The following LMX1A variants were observed in gnomAD, a reference collection of about 807,000 sequenced individuals.
LMX1A encodes the protein LIM homeobox transcription factor 1 alpha.
Under a neutral mutation model 49.1 loss-of-function variants are expected in LMX1A, and 15 were observed. The ratio of observed to expected loss-of-function variants is 0.31; its 90% CI spans 0.20 to 0.47. The LOEUF (loss-of-function observed/expected upper bound fraction) is 0.47. LMX1A is among the 20% of genes least tolerant of loss of function. LMX1A has a pLI of 1.00. For synonymous variants in LMX1A, 167 were observed against 185.7 expected (o/e 0.90, Z 0.82); for missense variants, 372 against 475.8 (o/e 0.78, Z 2.03).
At chr1:165,242,938 A>AC (rs1419426706) in intron 4 of LMX1A, among the ~76,000 whole-genome samples, 1 of 150,968 alleles carries the variant, frequency 6.6e-6, no homozygotes, top group African/African-American at 2.4e-5. Flanking sequence ...TCAAAAAAAA[A>AC]AAAAAAAAAC....
At chr1:165,354,758 T>C (rs903366484) in intron 2 of LMX1A, among the ~76,000 whole-genome samples, 15 of 152,206 alleles carry the variant, frequency 9.9e-5, no homozygotes, top group African/African-American at 3.1e-4. Context: ...TAAAATAAAA[T>C]ACGGGCTTCC....
rs2102638008 is a variant in LMX1A at position 165,249,640 on chromosome 1, C to A, written c.264G>T (p.Lys88Asn). 6.2e-7 allele frequency: 1 copy of A among 1,612,760 alleles called. No individual in the cohort carries two copies. Among genetic ancestry groups the A allele is most frequent in the Non-Finnish European group, 8.5e-7 (1 of 1,179,262 alleles). ...AGCCCCCACATTTAACAGCAAACAGCCTGGCAGCAGGGAGAAAGGAAGTAC... is the reference window on the plus strand; with the variant it reads ...AGCCCCCACATTTAACAGCAAACAGACTGGCAGCAGGGAGAAAGGAAGTAC... ...KKLYCKYDYEKLFAVKCGGCF... is the reference protein window; with the variant it reads ...KKLYCKYDYENLFAVKCGGCF... Residue 88 changes from lysine (K) to asparagine (N), a missense_variant and splice_region_variant, in exon 4 of 9, where the codon AAG (lysine) becomes AAT (asparagine). By Grantham distance (94) the Lys-to-Asn change is moderately conservative (BLOSUM62 0). Around this residue, in one of 3 missense-constraint regions of LMX1A, gnomAD observed 199 missense variants for 244.0 expected, o/e 0.82. Transcript: ENST00000342310.
intron 3 of LMX1A, among the ~76,000 whole-genome samples, chr1:165,289,021 C>T (rs1420829701): frequency 1.3e-5 from 2 of 152,228 alleles, no homozygotes; most frequent in African/African-American, 4.8e-5. Context: ...AGCAAACAGA[C>T]TTCTGGCCCC....
intron 3 of LMX1A, among the ~76,000 whole-genome samples, chr1:165,279,712 T>A (rs1049804678): frequency 2.6e-5 from 4 of 152,220 alleles, no homozygotes; most frequent in African/African-American, 9.6e-5. Flanking sequence ...TCGATAATAA[T>A]AAAAATAATT....
intron 4 of LMX1A, among the ~76,000 whole-genome samples, chr1:165,241,272 G>C (rs1247116151): frequency 2.0e-5 from 3 of 152,182 alleles, no homozygotes; most frequent in Non-Finnish European, 4.4e-5. Flanking sequence ...AAAGAGCAAA[G>C]ACAGAAGAGG....
chr1:165,205,830 A>G, intron 8 of LMX1A, 34 bp downstream of exon 8: 1 of 1,605,326 alleles, frequency 6.2e-7, no homozygotes, highest in East Asian at 2.2e-5. Flanking sequence ...CACACAAGTT[A>G]TGAGAGGGCC....
chr1:165,212,576 C>T (rs993397569), intron 5 of LMX1A, among the ~76,000 whole-genome samples: 4 of 151,890 alleles, frequency 2.6e-5, no homozygotes, highest in Non-Finnish European at 5.9e-5. Context: ...AAAAATAATG[C>T]TAACATTTTT....
In LMX1A at chr1:165,296,519, A is replaced by C. The variant is rs1654626815; in HGVS notation, c.264-46879T>G. ...GGGCCTGCTCTTAGAAAGTCAGTTC[A>C]GGTATCACGTTGACTGTGTCACCTT... is the stretch of plus-strand genomic sequence containing the variant. On this transcript the variant is annotated intron_variant, in intron 3 of 8. Transcript: ENST00000342310. Among the ~76,000 whole-genome samples, 8 of 152,384 alleles carry C rather than the reference A, an allele frequency of 5.2e-5. No individual in the cohort carries two copies. The South Asian group carries it at 1.7e-3, about 32-fold the overall frequency.
chr1:165,298,524 G>T (rs192942462), intron 3 of LMX1A, among the ~76,000 whole-genome samples: 5 of 152,338 alleles, frequency 3.3e-5, no homozygotes, highest in Admixed American at 2.0e-4. Flanking sequence ...GGCTGGGAAT[G>T]ATATTTTACC....
At chr1:165,301,679 TA>T (rs1182465216) in intron 3 of LMX1A, among the ~76,000 whole-genome samples, 1 of 152,196 alleles carries the variant, frequency 6.6e-6, no homozygotes, top group Non-Finnish European at 1.5e-5. Context: ...TTCCAAGATG[TA>T]CTTTTAAAAG....
chr1:165,222,463 T>TA (rs1162447598), intron 4 of LMX1A, among the ~76,000 whole-genome samples: 1 of 152,246 alleles, frequency 6.6e-6, no homozygotes, highest in Admixed American at 6.5e-5. Flanking sequence ...CCAATTCTGC[T>TA]ATATTAATTA....
chr1:165,222,823 G>A (rs1651897185), intron 4 of LMX1A, among the ~76,000 whole-genome samples: 1 of 152,184 alleles, frequency 6.6e-6, no homozygotes, highest in Admixed American at 6.5e-5. Flanking sequence ...TATGCCTTCA[G>A]ACTCCAGTCC....
At chr1:165,261,121 C>T (rs1653426507) in intron 3 of LMX1A, among the ~76,000 whole-genome samples, 1 of 152,154 alleles carries the variant, frequency 6.6e-6, no homozygotes, top group Non-Finnish European at 1.5e-5. Flanking sequence ...CCCAAAGCAG[C>T]CTCTTTATCA....
At chr1:165,229,739 T>C (rs1394764219) in intron 4 of LMX1A, among the ~76,000 whole-genome samples, 2 of 152,144 alleles carry the variant, frequency 1.3e-5, no homozygotes, top group African/African-American at 4.8e-5. Context: ...TTGTTTTTTG[T>C]TGTTGTTGTT....
intron 4 of LMX1A, among the ~76,000 whole-genome samples, chr1:165,232,404 C>A (rs1305323928): frequency 6.6e-6 from 1 of 152,178 alleles, no homozygotes; most frequent in African/African-American, 2.4e-5. Context: ...AAAACCAGGG[C>A]TCAATGGATC....
chr1:165,219,030 C>T lies in LMX1A; in HGVS notation c.497-5217G>A, dbSNP rs1057053983. On this transcript the variant is annotated intron_variant, in intron 4 of 8. Transcript: ENST00000342310. ...AGCCTACCAGAGTGAAATGAATTTG[C>T]TTGGCACAAAGTTTGAACATGTTTC... 3 of 152,356 alleles carry T rather than the reference C, an allele frequency of 2.0e-5. No individual in the cohort carries two copies. The East Asian group carries it at 5.8e-4, about 29-fold the overall frequency. 9.4% of individuals were successfully genotyped at this position (152,356 alleles called of 1,614,324 possible).
chr1:165,213,970 A>T (rs536984422), intron 4 of LMX1A, among the ~76,000 whole-genome samples, 157 bp from the exon 5 acceptor site: 9 of 152,344 alleles, frequency 5.9e-5, no homozygotes, highest in African/African-American at 2.2e-4. Flanking sequence ...TTCCAGGAAG[A>T]GGCTAAGAAA....
At chr1:165,292,222 A>AT (rs1295429173) in intron 3 of LMX1A, among the ~76,000 whole-genome samples, 1 of 152,202 alleles carries the variant, frequency 6.6e-6, no homozygotes, top group Non-Finnish European at 1.5e-5. Context: ...TCATGTTCCA[A>AT]TAGGATGCTA....
At chr1:165,323,552 A>G (rs968383232) in intron 3 of LMX1A, among the ~76,000 whole-genome samples, 1 of 152,234 alleles carries the variant, frequency 6.6e-6, no homozygotes, top group Non-Finnish European at 1.5e-5. Flanking sequence ...ATAACAATAT[A>G]AAATGCGTAC....
Sources: gnomAD v4.1 joint callset for allele counts (sites outside exome capture counted in the v4.1 genomes callset) on GRCh38, gnomAD v4.1.1 for gene constraint, gnomAD v4.1.1 regional missense constraint, MANE v1.5 for transcripts, NCBI Gene and HGNC (gene_info 2026-07-23, HGNC 2026-07-21) for gene names.